The following MCTP1 variants were observed in gnomAD, a reference collection of about 807,000 sequenced individuals.
The protein encoded by MCTP1 is multiple C2 and transmembrane domain containing 1.
MCTP1 carries 69 observed loss-of-function variants against 120.6 expected under a neutral mutation model. The ratio of observed to expected loss-of-function variants is 0.57; its 90% CI spans 0.47 to 0.70. The LOEUF (loss-of-function observed/expected upper bound fraction) is 0.70. Among genes scored for constraint, MCTP1 ranks in the 30% least tolerant of loss-of-function variants. MCTP1 has a pLI of 0.00. For missense variants in MCTP1, 1,203 were observed against 1,248.8 expected (o/e 0.96, Z 0.55); for synonymous variants, 529 against 493.1 (o/e 1.07, Z -0.96).
chr5:94,989,747 G>A (rs1432778860), intron 2 of MCTP1, among the ~76,000 whole-genome samples: 6 of 152,136 alleles, frequency 3.9e-5, no homozygotes, highest in Admixed American at 3.9e-4. Flanking sequence ...GACCTCTGGG[G>A]AAGGGTGAGG....
At chr5:94,790,705 T>TA (rs1476862789) in intron 18 of MCTP1, among the ~76,000 whole-genome samples, 3 of 152,116 alleles carry the variant, frequency 2.0e-5, no homozygotes. Flanking sequence ...CTTAACCTCT[T>TA]AAGAGTATGA....
rs979247984 is a variant in MCTP1 at position 95,284,030 on chromosome 5, C to G, written c.546G>C (p.Glu182Asp). Residue 182 changes from glutamate to aspartate, a missense_variant, in exon 1 of 23, where the codon GAG becomes GAC. By Grantham distance (45) the Glu-to-Asp change is conservative (BLOSUM62 2). Transcript: ENST00000515393. The surrounding 1 kb of genome is among the most constrained non-coding windows in gnomAD (Gnocchi z 5.2). ...CCCCGGGGCCCTGACGCCGTGCACC[C>G]TCATCTCGGGCGCGGTCCCCCCTCG... ...PPPRGDRARD[E>D]GARRQGPGAH... The G allele has an allele frequency of 2.0e-6, 3 of 1,512,988 alleles. No homozygotes were observed. The highest frequency in any genetic ancestry group is 5.1e-5 in the East Asian group (2 of 39,576). The allele number at this position is 1,512,988 out of a possible 1,614,324, so 93.7% of individuals were successfully genotyped here.
At chr5:94,988,202 T>A (rs998822) in intron 2 of MCTP1, among the ~76,000 whole-genome samples, 1 of 152,100 alleles carries the variant, frequency 6.6e-6, no homozygotes, top group Non-Finnish European at 1.5e-5. Context: ...TAAAGCATAT[T>A]TACTCTTCAT....
intron 1 of MCTP1, among the ~76,000 whole-genome samples, chr5:95,258,138 G>A (rs1001371217): frequency 6.6e-6 from 1 of 152,112 alleles, no homozygotes; most frequent in African/African-American, 2.4e-5. Context: ...CTACAGTATG[G>A]AAAATGGGGT....
At chr5:95,098,120 A>G (rs900653679) in intron 1 of MCTP1, among the ~76,000 whole-genome samples, 1 of 152,172 alleles carries the variant, frequency 6.6e-6, no homozygotes, top group African/African-American at 2.4e-5. Context: ...GTTTTAAAAT[A>G]ATATAATAAA....
chr5:94,929,272 AT>A (rs1400015154), intron 6 of MCTP1, among the ~76,000 whole-genome samples: 1 of 152,194 alleles, frequency 6.6e-6, no homozygotes, highest in Non-Finnish European at 1.5e-5. Context: ...TTGCTACAAA[AT>A]TTACACTTCT....
chr5:94,942,449 G>C (rs1817944321), intron 3 of MCTP1, 22 bp from the exon 4 acceptor site: 3 of 1,566,508 alleles, frequency 1.9e-6, no homozygotes, highest in Non-Finnish European at 1.8e-6. Flanking sequence ...AAGAGAAAAA[G>C]CCTTGTTATA....
intron 16 of MCTP1, among the ~76,000 whole-genome samples, chr5:94,869,057 G>A (rs1346268423): frequency 6.6e-6 from 1 of 151,318 alleles, no homozygotes; most frequent in Non-Finnish European, 1.5e-5. Context: ...TTGGAAGTAG[G>A]GAAAAATATA....
At chr5:95,170,233 C>A (rs1198357620) in intron 1 of MCTP1, among the ~76,000 whole-genome samples, 4 of 152,206 alleles carry the variant, frequency 2.6e-5, no homozygotes, top group Non-Finnish European at 4.4e-5. Flanking sequence ...CAGTGAGTTT[C>A]TTCATCCAGA....
chr5:95,274,706 C>T, intron 1 of MCTP1, among the ~76,000 whole-genome samples: 1 of 151,568 alleles, frequency 6.6e-6, no homozygotes, highest in Non-Finnish European at 1.5e-5. Flanking sequence ...TCACTGCAAA[C>T]TCTGCCTCCC....
intron 1 of MCTP1, among the ~76,000 whole-genome samples, chr5:95,130,983 GGTTTT>G (rs1554211887): frequency 6.6e-6 from 1 of 152,028 alleles, no homozygotes; most frequent in Admixed American, 6.6e-5. Context: ...GACACGTTTT[GGTTTT>G]GTTTTGTTTT....
chr5:94,780,456 T>A (rs1205675209), intron 18 of MCTP1, among the ~76,000 whole-genome samples: 1 of 152,140 alleles, frequency 6.6e-6, no homozygotes, highest in Non-Finnish European at 1.5e-5. Flanking sequence ...CCTCCAGGTC[T>A]CATGAACGAA....
chr5:95,040,695 A>G (rs538920559), intron 1 of MCTP1, among the ~76,000 whole-genome samples: 38 of 152,132 alleles, frequency 2.5e-4, no homozygotes, highest in Non-Finnish European at 4.9e-4. Context: ...CTTGCCCCCT[A>G]GCTCGAGGGG....
chr5:94,983,856 T>C (rs1487316528), intron 2 of MCTP1, among the ~76,000 whole-genome samples: 8 of 152,190 alleles, frequency 5.3e-5, no homozygotes, highest in Non-Finnish European at 1.0e-4. Flanking sequence ...CTGAGCAACC[T>C]TGTGGCCATC....
intron 1 of MCTP1, among the ~76,000 whole-genome samples, chr5:95,220,529 T>G (rs542320384): frequency 6.6e-6 from 1 of 152,316 alleles, no homozygotes; most frequent in South Asian, 2.1e-4. Flanking sequence ...TTCACAATAA[T>G]TAAGACTTTG....
intron 1 of MCTP1, among the ~76,000 whole-genome samples, chr5:95,274,046 T>A (rs556219020): frequency 8.5e-5 from 13 of 152,136 alleles, no homozygotes; most frequent in Non-Finnish European, 1.8e-4. Flanking sequence ...AAGGCTCAGG[T>A]TGACCCAGTC....
At chr5:95,081,605 G>C (rs1196820097) in intron 1 of MCTP1, 1 of 1,405,406 alleles carries the variant, frequency 7.1e-7, no homozygotes, top group East Asian at 2.6e-5. Flanking sequence ...CAACAGCCCT[G>C]CACGGAGCAC....
chr5:94,738,033 A>T (rs887274431), intron 19 of MCTP1, among the ~76,000 whole-genome samples: 1 of 152,224 alleles, frequency 6.6e-6, no homozygotes, highest in Non-Finnish European at 1.5e-5. Flanking sequence ...CGAAACAGCT[A>T]ATCTCAAGCC....
At chr5:95,249,681 C>T (rs1383826711) in intron 1 of MCTP1, among the ~76,000 whole-genome samples, 1 of 152,288 alleles carries the variant, frequency 6.6e-6, no homozygotes, top group East Asian at 1.9e-4. Context: ...GATTATAACT[C>T]ATGCTACTAT....
Sources: gnomAD v4.1 joint callset for allele counts (sites outside exome capture counted in the v4.1 genomes callset) on GRCh38, gnomAD v4.1.1 for gene constraint, Gnocchi (gnomAD v3.1) non-coding constraint, MANE v1.5 for transcripts, NCBI Gene and HGNC (gene_info 2026-07-23, HGNC 2026-07-21) for gene names.